The following NKAIN2 variants were observed in gnomAD, a reference collection of about 807,000 sequenced individuals.
NKAIN2 encodes the protein sodium/potassium-transporting ATPase subunit beta-1-interacting protein 2.
A neutral mutation model predicts 32.6 loss-of-function variants in NKAIN2; 14 were observed. The observed-to-expected ratio is 0.43, with a 90% CI of 0.28 to 0.67. NKAIN2 has a LOEUF of 0.67. NKAIN2 is among the 30% of genes least tolerant of loss of function. The pLI is 0.17. For synonymous variants in NKAIN2, 80 were observed against 87.2 expected (o/e 0.92, Z 0.46); for missense variants, 198 against 258.3 (o/e 0.77, Z 1.60).
At chr6:124,542,391 A>G (rs1779944323) in intron 3 of NKAIN2, among the ~76,000 whole-genome samples, 1 of 152,186 alleles carries the variant, frequency 6.6e-6, no homozygotes, top group Non-Finnish European at 1.5e-5. Flanking sequence ...AAATTATTTC[A>G]TTCTTTGAAT....
chr6:124,007,275 C>T (rs1213065516), intron 1 of NKAIN2, among the ~76,000 whole-genome samples: 1 of 152,084 alleles, frequency 6.6e-6, no homozygotes, highest in Non-Finnish European at 1.5e-5. Context: ...CCTCATTGAC[C>T]AAAACATCTT....
At chr6:124,149,115 C>T (rs75985742) in intron 1 of NKAIN2, among the ~76,000 whole-genome samples, 19 of 151,606 alleles carry the variant, frequency 1.3e-4, no homozygotes, top group Admixed American at 2.0e-4. Context: ...TTTGGAGAAA[C>T]GTCTATTTAA....
At chr6:124,301,284 A>G (rs905616086) in intron 2 of NKAIN2, among the ~76,000 whole-genome samples, 4 of 152,172 alleles carry the variant, frequency 2.6e-5, no homozygotes, top group Admixed American at 2.6e-4. Context: ...TAAAGAATTG[A>G]GGTTCAGGAA....
At chr6:123,911,867 TC>T (rs1362271919) in intron 1 of NKAIN2, among the ~76,000 whole-genome samples, 1 of 99,350 alleles carries the variant, frequency 1.0e-5, no homozygotes, top group East Asian at 3.2e-4. Context: ...ACATATCAAT[TC>T]CCCCCAACCC....
At chr6:124,570,251 G>C (rs1233928714) in intron 3 of NKAIN2, among the ~76,000 whole-genome samples, 1 of 152,192 alleles carries the variant, frequency 6.6e-6, no homozygotes, top group Non-Finnish European at 1.5e-5. Context: ...TTTGCAATCT[G>C]AGGATGCAGT....
intron 2 of NKAIN2, among the ~76,000 whole-genome samples, chr6:124,336,873 A>G (rs9388314): frequency 0.14 from 20,609 of 151,792 alleles, 1,536 homozygotes; most frequent in African/African-American, 0.2. Context: ...GGGTTTCACC[A>G]TGTTGGCCAG....
intron 1 of NKAIN2, among the ~76,000 whole-genome samples, chr6:123,914,750 G>C (rs979407872): frequency 3.9e-5 from 6 of 152,146 alleles, no homozygotes; most frequent in African/African-American, 1.4e-4. Flanking sequence ...AAGGCAAAAA[G>C]AGTAGAGATA....
chr6:123,959,209 T>G (rs1777732661), intron 1 of NKAIN2, among the ~76,000 whole-genome samples: 1 of 152,206 alleles, frequency 6.6e-6, no homozygotes, highest in Non-Finnish European at 1.5e-5. Flanking sequence ...AACCATTTAA[T>G]CCGTTGAAGT....
intron 1 of NKAIN2, among the ~76,000 whole-genome samples, chr6:124,031,108 A>G (rs897694226): frequency 3.9e-5 from 6 of 152,172 alleles, no homozygotes; most frequent in African/African-American, 1.4e-4. Flanking sequence ...CTGATGGGGT[A>G]TGAATATAAT....
At chr6:124,013,338 G>C (rs1227003170) in intron 1 of NKAIN2, among the ~76,000 whole-genome samples, 1 of 152,138 alleles carries the variant, frequency 6.6e-6, no homozygotes, top group Non-Finnish European at 1.5e-5. Flanking sequence ...TCTTTATAGA[G>C]TGTGTTTTTG....
At chr6:124,083,841 T>G (rs1354108946) in intron 1 of NKAIN2, among the ~76,000 whole-genome samples, 1 of 151,952 alleles carries the variant, frequency 6.6e-6, no homozygotes, top group Non-Finnish European at 1.5e-5. Flanking sequence ...TTAAAGACAC[T>G]ATGGTTACAG....
At chr6:124,490,275 A>G in intron 3 of NKAIN2, 1 of 391,756 alleles carries the variant, frequency 2.6e-6, no homozygotes, top group Non-Finnish European at 4.9e-6. Context: ...ATCACCACCA[A>G]TTACAGAATG....
chr6:124,256,636 CTAA>C (rs1793947298), intron 1 of NKAIN2, among the ~76,000 whole-genome samples: 1 of 152,104 alleles, frequency 6.6e-6, no homozygotes, highest in Non-Finnish European at 1.5e-5. Context: ...CAGTCTTTCT[CTAA>C]TGTTTCAGCT....
intron 3 of NKAIN2, among the ~76,000 whole-genome samples, chr6:124,506,886 G>T (rs1339471507): frequency 6.6e-6 from 1 of 152,152 alleles, no homozygotes; most frequent in Non-Finnish European, 1.5e-5. Flanking sequence ...CTTAGGCATT[G>T]TCTGTGTAGA....
intron 1 of NKAIN2, among the ~76,000 whole-genome samples, chr6:124,047,667 C>T (rs1388212681): frequency 1.3e-5 from 2 of 151,910 alleles, no homozygotes; most frequent in African/African-American, 4.8e-5. Flanking sequence ...GCTCTGGCAC[C>T]CAGGATATTT....
chr6:124,217,036 T>A (rs938262189), intron 1 of NKAIN2, among the ~76,000 whole-genome samples: 2 of 152,162 alleles, frequency 1.3e-5, no homozygotes, highest in Non-Finnish European at 2.9e-5. Context: ...AAAGTAGATG[T>A]TAATATGACC....
intron 1 of NKAIN2, among the ~76,000 whole-genome samples, chr6:124,159,242 C>G (rs1788147805): frequency 6.6e-6 from 1 of 152,058 alleles, no homozygotes; most frequent in Admixed American, 6.6e-5. Context: ...TTAGTTTTGT[C>G]CTAATGCCAG....
intron 3 of NKAIN2, among the ~76,000 whole-genome samples, chr6:124,552,057 T>A (rs1350586679): frequency 1.3e-5 from 2 of 152,216 alleles, no homozygotes; most frequent in African/African-American, 4.8e-5. Flanking sequence ...GGCTTCCCTC[T>A]GCACGGTGGA....
chr6:124,109,525 A>G (rs1785272072), intron 1 of NKAIN2, among the ~76,000 whole-genome samples: 2 of 152,072 alleles, frequency 1.3e-5, no homozygotes, highest in African/African-American at 2.4e-5. Context: ...TTATGTGTAT[A>G]TATGAATACA....
Sources: gnomAD v4.1 joint callset for allele counts (sites outside exome capture counted in the v4.1 genomes callset) on GRCh38, gnomAD v4.1.1 for gene constraint, MANE v1.5 for transcripts, NCBI Gene and HGNC (gene_info 2026-07-23, HGNC 2026-07-21) for gene names.